The following CIT variants were observed in gnomAD, a reference collection of about 807,000 sequenced individuals.
CIT encodes the protein citron rho-interacting serine/threonine kinase, also known as citron Rho-interacting kinase.
Under a neutral mutation model 272.7 loss-of-function variants are expected in CIT, and 79 were observed. The observed-to-expected ratio is 0.29, with a 90% CI of 0.24 to 0.35. The LOEUF (loss-of-function observed/expected upper bound fraction) is 0.35, where lower values mean the gene tolerates loss of function less well. Among genes scored for constraint, CIT ranks in the 10% least tolerant of loss-of-function variants. The probability of loss-of-function intolerance (pLI) is 1.00; values close to 1 mark genes in which losing one functional copy is unlikely to be tolerated. For synonymous variants in CIT, 948 were observed against 995.6 expected (o/e 0.95, Z 0.90); for missense variants, 1,909 against 2,618.3 (o/e 0.73, Z 5.91).
intron 7 of CIT, among the ~76,000 whole-genome samples, chr12:119,831,121 G>A (rs1318544356): frequency 1.3e-5 from 2 of 152,110 alleles, no homozygotes; most frequent in Admixed American, 6.6e-5. Context: ...ACCTCCAAAC[G>A]TGCTGGGATT....
intron 47 of CIT, among the ~76,000 whole-genome samples, chr12:119,689,838 C>T (rs1312790784): frequency 3.3e-5 from 5 of 151,824 alleles, no homozygotes; most frequent in Non-Finnish European, 7.4e-5. Flanking sequence ...CCACCACACC[C>T]GGCTAATTTT....
At chr12:119,772,241 C>T (rs1484758502) in intron 17 of CIT, among the ~76,000 whole-genome samples, 1 of 152,106 alleles carries the variant, frequency 6.6e-6, no homozygotes, top group East Asian at 1.9e-4. Flanking sequence ...TTCTTCTGTA[C>T]TGTTTTAAGT....
At chr12:119,811,583 A>G (rs1966848000) in intron 9 of CIT, among the ~76,000 whole-genome samples, 2 of 152,306 alleles carry the variant, frequency 1.3e-5, no homozygotes, top group South Asian at 4.1e-4. Context: ...CTGGTGGTGG[A>G]TTTCAATGGA....
intron 5 of CIT, among the ~76,000 whole-genome samples, chr12:119,839,694 CAG>C (rs1451334460): frequency 2.6e-5 from 4 of 152,108 alleles, no homozygotes; most frequent in Non-Finnish European, 4.4e-5. Flanking sequence ...CTGAATCATC[CAG>C]AGTCTTGCCA....
chr12:119,731,475 CA>C (rs34429031), intron 26 of CIT, among the ~76,000 whole-genome samples: 54,151 of 107,756 alleles, frequency 0.5, 10,407 homozygotes, highest in East Asian at 0.57. Context: ...ACTCCATTCT[CA>C]AAAAAAAAAA....
intron 4 of CIT, among the ~76,000 whole-genome samples, chr12:119,853,438 GTTTGTTTTGT>G (rs1555264954): frequency 5.9e-5 from 9 of 151,288 alleles, no homozygotes; most frequent in Non-Finnish European, 1.2e-4. Context: ...TTGTTTGTTT[GTTTGTTTTGT>G]TTTGTTTTGT....
At chr12:119,863,825 G>A (rs950429671) in intron 3 of CIT, among the ~76,000 whole-genome samples, 31 of 150,340 alleles carry the variant, frequency 2.1e-4, no homozygotes, top group African/African-American at 2.4e-4. Flanking sequence ...CCACCACGCC[G>A]GACCAAAAGT....
chr12:119,736,509 G>A (rs1958763224), intron 24 of CIT, among the ~76,000 whole-genome samples: 1 of 152,214 alleles, frequency 6.6e-6, no homozygotes, highest in Non-Finnish European at 1.5e-5. Flanking sequence ...ACCTTTTAGT[G>A]TATGGTCTAA....
At chr12:119,735,047 C>T in intron 25 of CIT, 113 bp downstream of exon 25, 1 of 919,152 alleles carries the variant, frequency 1.1e-6, no homozygotes, top group Non-Finnish European at 1.7e-6. Flanking sequence ...TTAAAAAGAG[C>T]CCAATTACTG....
At position 119,854,534 on chromosome 12, in the gene CIT, T is replaced by C. The variant is rs574978032; in HGVS notation, c.414+2989A>G. 8.6e-5 allele frequency among the ~76,000 whole-genome samples: 13 copies of C among 151,972 alleles called. No individual in the cohort carries two copies. In the East Asian group the frequency reaches 1.6e-3, roughly 18 times the overall value. On this transcript the variant is annotated intron_variant, in intron 4 of 47. Transcript: ENST00000392521. ...GGCACCCGCCTGTAGTCCCAGCTAC[T>C]AGAGAGGCTGAAGCACAAGAATCAC... is the stretch of plus-strand genomic sequence containing the variant.
intron 44 of CIT, chr12:119,699,719 A>T: frequency 2.3e-6 from 1 of 441,056 alleles, no homozygotes; most frequent in South Asian, 1.6e-5. Flanking sequence ...TAGTTGTCCC[A>T]GTGGCCCTGC....
chr12:119,873,813 A>G (rs2138430258), intron 2 of CIT, among the ~76,000 whole-genome samples: 2 of 152,126 alleles, frequency 1.3e-5, no homozygotes, highest in African/African-American at 4.8e-5. Context: ...ATACTTCATC[A>G]TTCATCATCT....
rs541243732 is a variant in CIT at position 119,694,531 on chromosome 12, T to C, written c.5882+3128A>G. Among the ~76,000 whole-genome samples, 1 of 152,138 alleles carries C rather than the reference T, an allele frequency of 6.6e-6. No homozygotes were observed. The highest frequency in any genetic ancestry group is 1.9e-4 in the East Asian group (1 of 5,162). ...ATTAAAAAGGAGGGGTGGTTGCGTG[T>C]AGTGGCTCACACCTGTAATCCCAGC... On this transcript the variant is annotated intron_variant, in intron 46 of 47. Transcript: ENST00000392521. This position sits in a 1 kb window ranked among gnomAD's most constrained non-coding sequence, Gnocchi z 4.5.
intron 28 of CIT, among the ~76,000 whole-genome samples, chr12:119,724,258 CAGAG>C (rs1325055288): frequency 6.6e-6 from 1 of 152,140 alleles, no homozygotes; most frequent in Admixed American, 6.6e-5. Flanking sequence ...TTCATGTACT[CAGAG>C]AGTCAGTCAC....
At chr12:119,856,804 C>T (rs1341198086) in intron 4 of CIT, among the ~76,000 whole-genome samples, 2 of 152,204 alleles carry the variant, frequency 1.3e-5, no homozygotes, top group East Asian at 3.8e-4. Flanking sequence ...TTTTCCTCCA[C>T]TTTCCAAGGT....
chr12:119,825,926 G>C (rs1968124546), intron 7 of CIT, among the ~76,000 whole-genome samples: 1 of 152,104 alleles, frequency 6.6e-6, no homozygotes, highest in African/African-American at 2.4e-5. Flanking sequence ...AAATTAGTCA[G>C]GTGTGGTGGT....
At chr12:119,778,701 C>G in intron 13 of CIT, among the ~76,000 whole-genome samples, 1 of 151,958 alleles carries the variant, frequency 6.6e-6, no homozygotes, top group Non-Finnish European at 1.5e-5. Flanking sequence ...TGGATGGTTT[C>G]CATGCAAGCA....
At chr12:119,864,529 G>A (rs1950461189) in intron 3 of CIT, among the ~76,000 whole-genome samples, 1 of 152,160 alleles carries the variant, frequency 6.6e-6, no homozygotes, top group African/African-American at 2.4e-5. Flanking sequence ...TATAGACAGG[G>A]TTTCAGCATG....
At chr12:119,862,850 A>C (rs200259791) in intron 3 of CIT, among the ~76,000 whole-genome samples, 3 of 94,864 alleles carry the variant, frequency 3.2e-5, no homozygotes, top group African/African-American at 1.4e-4. Context: ...AGAAAAAACC[A>C]AAAAAAAAAA....
Sources: allele counts gnomAD v4.1 joint callset (sites outside exome capture counted in the v4.1 genomes callset), GRCh38; gene constraint gnomAD v4.1.1; non-coding constraint Gnocchi (gnomAD v3.1); transcripts MANE v1.5; gene names NCBI Gene and HGNC (gene_info 2026-07-23, HGNC 2026-07-21).